FAM114A2: variants seen among roughly 807,000 people sequenced by gnomAD.
FAM114A2 encodes the protein protein FAM114A2.
FAM114A2 carries 53 observed loss-of-function variants against 58.4 expected under a neutral mutation model. That is an observed-to-expected ratio of 0.91 (90% confidence interval 0.73 to 1.14). FAM114A2 has a LOEUF of 1.14. Ranked by LOEUF, FAM114A2 falls within the 50% of genes most tolerant of loss-of-function variation. The pLI is 0.00. For synonymous variants in FAM114A2, 228 were observed against 211.4 expected, an observed-to-expected ratio of 1.08 and a Z score of -0.68; for missense variants, 601 against 581.1, an observed-to-expected ratio of 1.03 and a Z score of -0.35.
At chr5:154,026,279 T>G (rs1561569608) in intron 8 of FAM114A2, 120 bp downstream of exon 8, 1 of 740,800 alleles carries the variant, frequency 1.3e-6, no homozygotes. Flanking sequence ...GCATAAAAAT[T>G]TTCACCAAAA....
Position 153,997,889 on chromosome 5 carries a change from G to A in FAM114A2, c.1257-14C>T, listed in dbSNP as rs759630744. 6.6e-7 allele frequency: 1 copy of A among 1,504,774 alleles called. No homozygotes were observed. Among genetic ancestry groups the A allele is most frequent in the Non-Finnish European group, 9.1e-7 (1 of 1,094,154 alleles). The allele number at this position is 1,504,774 out of a possible 1,614,324, so 93.2% of individuals were successfully genotyped here. On this transcript the variant is annotated splice_polypyrimidine_tract_variant and intron_variant, in intron 11 of 13. Transcript: ENST00000351797. Reference sequence around the variant, plus strand: ...ACAATTGTCATCCTAGGAAAGAAAGGAAAAGTCAGAAACGTTTTTTCTTTT... The same window carrying A: ...ACAATTGTCATCCTAGGAAAGAAAGAAAAAGTCAGAAACGTTTTTTCTTTT...
intron 1 of FAM114A2, chr5:154,036,431 G>C (rs1453897661): frequency 1.3e-5 from 2 of 152,194 alleles, no homozygotes; most frequent in Non-Finnish European, 2.9e-5. Context: ...AGGATTATCA[G>C]AGTAGAAATC....
In FAM114A2 at chr5:153,997,888, G is replaced by A. The variant is rs751651347; in HGVS notation, c.1257-13C>T. ...CACAATTGTCATCCTAGGAAAGAAAGGAAAAGTCAGAAACGTTTTTTCTTT... is the reference window on the plus strand; with the variant it reads ...CACAATTGTCATCCTAGGAAAGAAAAGAAAAGTCAGAAACGTTTTTTCTTT... On this transcript the variant is annotated splice_polypyrimidine_tract_variant and intron_variant, in intron 11 of 13. Transcript: ENST00000351797. 3.3e-6 allele frequency: 5 copies of A among 1,527,676 alleles called. No homozygotes were observed. The highest frequency in any genetic ancestry group is 1.8e-5 in the Admixed American group (1 of 54,480). 94.6% of individuals were successfully genotyped at this position (1,527,676 alleles called of 1,614,324 possible).
chr5:154,018,284 G>A (rs1180314093), intron 8 of FAM114A2, among the ~76,000 whole-genome samples: 2 of 152,108 alleles, frequency 1.3e-5, no homozygotes, highest in African/African-American at 4.8e-5. Flanking sequence ...ATGAACACCT[G>A]TATGCGCATA....
Position 154,034,301 on chromosome 5 carries a change from G to A in FAM114A2, c.287C>T (p.Ala96Val), listed in dbSNP as rs1441235046. ...GSWGKSILSS[A>V]SATVATVGQG... is the part of the protein sequence containing the mutation. ...ACCTACTGTAGCTACTGTAGCCGAG[G>A]CTGAGGAGAGTATGGACTTGCCCCA... The change falls in exon 3 of 14, where the codon GCC (alanine) becomes GTC (valine). Residue 96 changes from alanine to valine, a missense_variant. Ala to Val is a moderately conservative substitution (Grantham distance 64). Transcript: ENST00000351797. 6.3e-7 allele frequency: 1 copy of A among 1,593,384 alleles called. No individual in the cohort carries two copies. Among genetic ancestry groups the A allele is most frequent in the Non-Finnish European group, 8.5e-7 (1 of 1,169,704 alleles).
intron 8 of FAM114A2, among the ~76,000 whole-genome samples, chr5:154,023,686 C>T (rs1771589406): frequency 6.6e-6 from 1 of 151,964 alleles, no homozygotes; most frequent in Non-Finnish European, 1.5e-5. Context: ...GCAGTGTATA[C>T]TGCTCAGGTG....
intron 1 of FAM114A2, chr5:154,036,983 T>A (rs1772602465): frequency 6.6e-6 from 1 of 152,252 alleles, no homozygotes; most frequent in Admixed American, 6.5e-5. Flanking sequence ...GCTAGGGCAG[T>A]TGCTCTCCAG....
chr5:154,032,574 A>G (rs1246978159), intron 4 of FAM114A2, among the ~76,000 whole-genome samples: 1 of 152,166 alleles, frequency 6.6e-6, no homozygotes, highest in African/African-American at 2.4e-5. Flanking sequence ...CATCAAGAAC[A>G]TGAGATCCTG....
intron 11 of FAM114A2, among the ~76,000 whole-genome samples, chr5:154,000,704 C>T (rs1769915397): frequency 6.6e-6 from 1 of 152,034 alleles, no homozygotes; most frequent in South Asian, 2.1e-4. Context: ...GGCACTCATG[C>T]TACATAAAAA....
intron 12 of FAM114A2, chr5:153,995,311 T>C: frequency 5.4e-6 from 1 of 184,944 alleles, no homozygotes; most frequent in African/African-American, 2.3e-5. Context: ...CAAGGGTCTT[T>C]AACACAAGCT....
chr5:153,996,485 G>A (rs1196563373), intron 12 of FAM114A2, among the ~76,000 whole-genome samples: 1 of 150,368 alleles, frequency 6.7e-6, no homozygotes, highest in Non-Finnish European at 1.5e-5. Flanking sequence ...CAAAGGACAC[G>A]ATCAAAAAGC....
intron 11 of FAM114A2, among the ~76,000 whole-genome samples, chr5:154,000,894 A>G (rs1167522223): frequency 1.3e-5 from 2 of 152,198 alleles, no homozygotes; most frequent in Non-Finnish European, 2.9e-5. Flanking sequence ...TCAGTTCTTA[A>G]TAATAGTTAT....
At chr5:154,008,898 T>G (rs948683933) in intron 9 of FAM114A2, among the ~76,000 whole-genome samples, 7 of 152,154 alleles carry the variant, frequency 4.6e-5, no homozygotes, top group African/African-American at 1.7e-4. Flanking sequence ...GAGATACAAA[T>G]GTGTAATGGG....
chr5:154,004,364 T>G (rs1157566233), intron 9 of FAM114A2, among the ~76,000 whole-genome samples: 1 of 152,172 alleles, frequency 6.6e-6, no homozygotes, highest in Non-Finnish European at 1.5e-5. Context: ...GCCTTCACTC[T>G]TTACTCGTCT....
Position 154,034,265 on chromosome 5 carries a change from C to T in FAM114A2, c.310+13G>A. 6.8e-7 allele frequency: 1 copy of T among 1,479,212 alleles called. No individual in the cohort carries two copies. Among genetic ancestry groups the T allele is most frequent in the Non-Finnish European group, 9.2e-7 (1 of 1,084,840 alleles). The allele number at this position is 1,479,212 out of a possible 1,614,324, so 91.6% of individuals were successfully genotyped here. On this transcript the variant is annotated intron_variant, in intron 3 of 13. Transcript: ENST00000351797. ...TACACACACAAAAATAACTAAATGA[C>T]TGATGATCTTACCTACTGTAGCTAC... is the stretch of plus-strand genomic sequence containing the variant.
chr5:154,002,679 T>C (rs1770066290), intron 10 of FAM114A2, among the ~76,000 whole-genome samples, 168 bp downstream of exon 10: 1 of 152,184 alleles, frequency 6.6e-6, no homozygotes, highest in African/African-American at 2.4e-5. Flanking sequence ...TCTCTCTTTT[T>C]TTCTTCACTC....
In FAM114A2 at chr5:154,003,177, G is replaced by GCTTTTTTTTTTTTTTTTTTTTTT. The variant is rs369892098; in HGVS notation, c.994-209_994-208insAAAAAAAAAAAAAAAAAAAAAAG. ...CCTTTTCAAAATTCTCTAATTGGTA[G>GCTTTTTTTTTTTTTTTTTTTTTT]TATTTTTTTTTTTTTTTTGAGATGG... On this transcript the variant is annotated intron_variant, in intron 9 of 13. Transcript: ENST00000351797. Among the ~76,000 whole-genome samples, 6 of 134,882 alleles carry GCTTTTTTTTTTTTTTTTTTTTTT rather than the reference G, an allele frequency of 4.4e-5. 2 individuals are homozygous for GCTTTTTTTTTTTTTTTTTTTTTT. The highest frequency in any genetic ancestry group is 7.6e-5 in the Admixed American group (1 of 13,164). 88.5% of individuals were successfully genotyped at this position (134,882 alleles called of 152,430 possible).
rs752697517 is a variant in FAM114A2 at position 153,997,790 on chromosome 5, C to T, written c.1329+13G>A. ...AGACAAACATTATTGCAGTAAGAGG[C>T]ATGGATTCTTACCCCAGCAGTTGTT... On this transcript the variant is annotated intron_variant, in intron 12 of 13. Coordinates refer to ENST00000351797, the MANE Select transcript of FAM114A2 (RefSeq NM_018691.4). The T allele has an allele frequency of 6.1e-6, 9 of 1,480,402 alleles. No homozygotes were observed. Among genetic ancestry groups the T allele is most frequent in the Non-Finnish European group, 8.5e-6 (9 of 1,060,026 alleles). 91.7% of individuals were successfully genotyped at this position (1,480,402 alleles called of 1,614,324 possible).
At chr5:154,013,224 C>T (rs978192004) in intron 8 of FAM114A2, among the ~76,000 whole-genome samples, 1 of 152,080 alleles carries the variant, frequency 6.6e-6, no homozygotes, top group Non-Finnish European at 1.5e-5. Context: ...GGAAAAGAGA[C>T]TGGTTTAGTG....
Sources: allele counts gnomAD v4.1 joint callset (sites outside exome capture counted in the v4.1 genomes callset), GRCh38; gene constraint gnomAD v4.1.1; transcripts MANE v1.5; gene names NCBI Gene and HGNC (gene_info 2026-07-23, HGNC 2026-07-21).